Variants in TMEM205 observed in about 807,000 individuals in gnomAD.
TMEM205 encodes transmembrane protein 205.
TMEM205 carries 11 observed loss-of-function variants against 17.9 expected under a neutral mutation model. The ratio of observed to expected loss-of-function variants is 0.61; its 90% CI spans 0.39 to 1.02. The LOEUF (loss-of-function observed/expected upper bound fraction) is 1.02. TMEM205 is among the 50% of genes least tolerant of loss of function. The pLI, the probability that TMEM205 is intolerant of heterozygous loss-of-function variation, is 0.01. For missense variants in TMEM205, 236 were observed against 239.4 expected, an observed-to-expected ratio of 0.99 and a Z score of 0.09; for synonymous variants, 86 against 97.4, an observed-to-expected ratio of 0.88 and a Z score of 0.69.
chr19:11,345,927 G>GCTCC lies in TMEM205; in HGVS notation c.-309_-308insGGAG, dbSNP rs1967199481. 4 of 354,644 alleles carry GCTCC rather than the reference G, an allele frequency of 1.1e-5. No homozygotes were observed. Among genetic ancestry groups the GCTCC allele is most frequent in the Non-Finnish European group, 2.1e-5 (4 of 190,786 alleles). 22.0% of individuals were successfully genotyped at this position (354,644 alleles called of 1,614,324 possible). A position where few individuals can be genotyped will look rare whatever the true frequency, so the allele number is the denominator to read the frequency against. On this transcript the variant is annotated 5_prime_UTR_variant, in exon 1 of 3. Coordinates refer to ENST00000354882, the MANE Select transcript of TMEM205 (RefSeq NM_198536.3). ...TCCAGATCATAGCCCTAGGTCTTCA[G>GCTCC]AGATCACTCCACTAATTCCCAAATA...
In TMEM205 at chr19:11,342,918, T is replaced by C; in HGVS notation, c.467A>G (p.Asn156Ser). The C allele has an allele frequency of 1.2e-6, 2 of 1,614,092 alleles. No homozygotes were observed. Among genetic ancestry groups the C allele is most frequent in the Non-Finnish European group, 1.7e-6 (2 of 1,180,004 alleles). Residue 156 changes from asparagine to serine, a missense_variant, in exon 3 of 3, where the codon AAT becomes AGT. Physicochemically the swap from Asn to Ser is conservative, Grantham distance 46. Coordinates refer to ENST00000354882, the MANE Select transcript of TMEM205 (RefSeq NM_198536.3). ...GGACAGCCCATGGTAGCGGAAGAAA[T>C]TCTGGCGGAGAGCACTGTACTTGGG... ...KDPKYSALRQNFFRYHGLSSL... is the reference protein window; with the variant it reads ...KDPKYSALRQSFFRYHGLSSL...
chr19:11,345,466 C>T, intron 1 of TMEM205, 51 bp from the exon 2 acceptor site: 1 of 1,613,974 alleles, frequency 6.2e-7, no homozygotes, highest in Non-Finnish European at 8.5e-7. Context: ...CGGTTCCCCT[C>T]TTATTTCCAT....
intron 2 of TMEM205, among the ~76,000 whole-genome samples, chr19:11,343,872 G>C (rs1452522560): frequency 2.0e-5 from 3 of 151,926 alleles, no homozygotes; most frequent in Admixed American, 2.0e-4. Flanking sequence ...TTTCAGAGAT[G>C]GGGGTGGGAG....
In TMEM205 at chr19:11,345,567, A is replaced by G. The variant is rs763912298; in HGVS notation, c.53T>C (p.Val18Ala). The change falls in exon 1 of 3, where the codon GTC becomes GCC. Residue 18 changes from valine to alanine, a missense_variant. Coordinates refer to ENST00000354882, the MANE Select transcript of TMEM205 (RefSeq NM_198536.3). The stretch of plus-strand genomic sequence containing the variant: ...TTGCATGCCCCAGGCACCTGACAAG[A>G]CCAGTAGATGGACCATCTTAATCAG... Reference protein sequence around the residue: ...GGLIKMVHLLVLSGAWGMQMW... With the variant: ...GGLIKMVHLLALSGAWGMQMW... The G allele has an allele frequency of 6.2e-7, 1 of 1,614,042 alleles. No homozygotes were observed.
At chr19:11,343,508 C>T (rs1293575439) in intron 2 of TMEM205, among the ~76,000 whole-genome samples, 3 of 152,190 alleles carry the variant, frequency 2.0e-5, no homozygotes, top group African/African-American at 2.4e-5. Context: ...AGTGGCTGGG[C>T]GCAGTGGCTC....
chr19:11,343,046 G>A lies in TMEM205; in HGVS notation c.339C>T (p.Ala113=), dbSNP rs1443424852. 2 of 1,614,052 alleles carry A rather than the reference G, an allele frequency of 1.2e-6. No individual in the cohort carries two copies. The highest frequency in any genetic ancestry group is 8.5e-7 in the Non-Finnish European group (1 of 1,180,046). ...ARWLEPRTTA[A]MWALQTVEKE... ...TCTCCACGGTTTGCAGGGCCCACAT[G>A]GCAGCTGTGGTGCGGGGTTCCAGCC... Residue 113 remains alanine, a synonymous_variant, in exon 3 of 3, where the codon GCC becomes GCT. Transcript: ENST00000354882.
chr19:11,345,698 C>A lies in TMEM205; in HGVS notation c.-79G>T. 6.3e-7 allele frequency: 1 copy of A among 1,578,938 alleles called. No individual in the cohort carries two copies. Among genetic ancestry groups the A allele is most frequent in the Non-Finnish European group, 8.6e-7 (1 of 1,163,516 alleles). On this transcript the variant is annotated 5_prime_UTR_variant, in exon 1 of 3. Coordinates refer to ENST00000354882, the MANE Select transcript of TMEM205 (RefSeq NM_198536.3). The stretch of plus-strand genomic sequence containing the variant: ...ATGCGTGGCCTTCAGACCCTGTGAG[C>A]CCGCTCGGGGACAGGGTTACGGCCA...
intron 2 of TMEM205, 110 bp from the exon 3 acceptor site, chr19:11,343,230 C>G (rs908625489): frequency 8.4e-7 from 1 of 1,187,962 alleles, no homozygotes; most frequent in Non-Finnish European, 1.2e-6. Context: ...GGGGACAGCA[C>G]TGGATCAAAA....
rs562867834 is a variant in TMEM205 at position 11,345,156 on chromosome 19, T to G, written c.264+96A>C. The G allele has an allele frequency of 3.3e-5, 41 of 1,233,878 alleles. No homozygotes were observed. In the African/African-American group the frequency reaches 6.1e-4, roughly 18 times the overall value. The allele number at this position is 1,233,878 out of a possible 1,614,324, so 76.4% of individuals were successfully genotyped here. ...CAGGCGTGAGCCACCATGCCTAGCC[T>G]TTTTTTTTCCCCCCCTGGAAAAGGT... On this transcript the variant is annotated intron_variant, in intron 2 of 2. Transcript: ENST00000354882.
At position 11,342,935 on chromosome 19, in the gene TMEM205, G is replaced by A. The variant is rs141633785; in HGVS notation, c.450C>T (p.Tyr150=). Residue 150 remains tyrosine (Y), a synonymous_variant, in exon 3 of 3, where the codon TAC becomes TAT. Coordinates refer to ENST00000354882, the MANE Select transcript of TMEM205 (RefSeq NM_198536.3). Reference sequence around the variant, plus strand: ...GGAAGAAATTCTGGCGGAGAGCACTGTACTTGGGGTCCTTCTCTCGCAGCT... The same window carrying A: ...GGAAGAAATTCTGGCGGAGAGCACTATACTTGGGGTCCTTCTCTCGCAGCT... ...YRQLREKDPK[Y]SALRQNFFRY... 42 of 1,614,090 alleles carry A rather than the reference G, an allele frequency of 2.6e-5. No individual in the cohort carries two copies. Among genetic ancestry groups the A allele is most frequent in the Admixed American group, 3.3e-5 (2 of 59,998 alleles).
chr19:11,343,870 A>G (rs1156459024), intron 2 of TMEM205, among the ~76,000 whole-genome samples: 1 of 150,256 alleles, frequency 6.7e-6, no homozygotes, highest in Non-Finnish European at 1.5e-5. Flanking sequence ...GCTTTCAGAG[A>G]TGGGGGTGGG....
chr19:11,345,957 C>T lies in TMEM205; in HGVS notation c.-338G>A. 3.4e-6 allele frequency: 1 copy of T among 292,574 alleles called. No individual in the cohort carries two copies. Among genetic ancestry groups the T allele is most frequent in the Admixed American group, 4.9e-5 (1 of 20,360 alleles). The allele number at this position is 292,574 out of a possible 1,614,324, so 18.1% of individuals were successfully genotyped here. On this transcript the variant is annotated 5_prime_UTR_variant, in exon 1 of 3. Coordinates refer to ENST00000354882, the MANE Select transcript of TMEM205 (RefSeq NM_198536.3). ...CACTCCACTAATTCCCAAATATCAC[C>T]CCAGGGATCCAGTTCTGACAGCCAA...
At chr19:11,345,155 C>CA in intron 2 of TMEM205, 97 bp downstream of exon 2, 4 of 1,343,352 alleles carry the variant, frequency 3.0e-6, no homozygotes, top group Non-Finnish European at 4.0e-6. Context: ...CATGCCTAGC[C>CA]TTTTTTTTTC....
At chr19:11,343,193 C>T in intron 2 of TMEM205, 73 bp from the exon 3 acceptor site, 1 of 1,097,152 alleles carries the variant, frequency 9.1e-7, no homozygotes. Flanking sequence ...GGTCTTTCTG[C>T]ATCCTCAACA....
rs1156656361 is a variant in TMEM205, at chr19:11,344,824, CCCTCTCCTTT to C, written c.264+418_264+427del. 12 of 186,600 alleles carry C rather than the reference CCCTCTCCTTT, an allele frequency of 6.4e-5. No homozygotes were observed. The East Asian group carries it at 1.2e-3, about 18-fold the overall frequency. 11.6% of individuals were successfully genotyped at this position (186,600 alleles called of 1,614,324 possible). A position where few individuals can be genotyped will look rare whatever the true frequency, so the allele number is the denominator to read the frequency against. On this transcript the variant is annotated intron_variant, in intron 2 of 2. Coordinates refer to ENST00000354882, the MANE Select transcript of TMEM205 (RefSeq NM_198536.3). ...CCCTCCCCTCCCTTCCTCTTCCCTC[CCCTCTCCTTT>C]CCTCTCCTCTCCTTTCCTTTCCTTT...
Position 11,345,655 on chromosome 19 carries a change from G to C in TMEM205, c.-36C>G, listed in dbSNP as rs779193615. ...TGGGAAGGAGGCACCGGGTGGCTCA[G>C]AACTTTACCTTTGCCTCATGCGTGG... On this transcript the variant is annotated 5_prime_UTR_variant, in exon 1 of 3. Coordinates refer to ENST00000354882, the MANE Select transcript of TMEM205 (RefSeq NM_198536.3). The C allele has an allele frequency of 5.6e-6, 9 of 1,612,426 alleles. No individual in the cohort carries two copies.
chr19:11,344,062 A>G (rs756355559), intron 2 of TMEM205, among the ~76,000 whole-genome samples: 15 of 148,364 alleles, frequency 1.0e-4, no homozygotes, highest in Non-Finnish European at 1.9e-4. Context: ...CTCCTGCCTC[A>G]GCCTCCCAAA....
At position 11,345,645 on chromosome 19, in the gene TMEM205, G is replaced by A. The variant is rs749801202; in HGVS notation, c.-26C>T. On this transcript the variant is annotated 5_prime_UTR_variant, in exon 1 of 3. Transcript: ENST00000354882. Reference sequence around the variant, plus strand: ...CTTGCAGTCCTGGGAAGGAGGCACCGGGTGGCTCAGAACTTTACCTTTGCC... The same window carrying A: ...CTTGCAGTCCTGGGAAGGAGGCACCAGGTGGCTCAGAACTTTACCTTTGCC... 11 of 1,613,086 alleles carry A rather than the reference G, an allele frequency of 6.8e-6. No individual in the cohort carries two copies. In the East Asian group the frequency reaches 1.8e-4, roughly 26 times the overall value.
Position 11,345,734 on chromosome 19 carries a change from G to T in TMEM205, c.-115C>A, listed in dbSNP as rs375580577. ...ACAGGGTTACGGCCAATCCAGCAGA[G>T]ATTCTGGCAAAGCATCCCGGGAATG... On this transcript the variant is annotated 5_prime_UTR_variant, in exon 1 of 3. Coordinates refer to ENST00000354882, the MANE Select transcript of TMEM205 (RefSeq NM_198536.3). 3.7e-5 allele frequency: 55 copies of T among 1,483,620 alleles called. No individual in the cohort carries two copies. Among genetic ancestry groups the T allele is most frequent in the Non-Finnish European group, 4.7e-5 (53 of 1,118,832 alleles). 91.9% of individuals were successfully genotyped at this position (1,483,620 alleles called of 1,614,324 possible).
Sources: gnomAD v4.1 joint callset for allele counts (sites outside exome capture counted in the v4.1 genomes callset) on GRCh38, gnomAD v4.1.1 for gene constraint, MANE v1.5 for transcripts, NCBI Gene and HGNC (gene_info 2026-07-23, HGNC 2026-07-21) for gene names.